SMIM13: variants seen among roughly 807,000 people sequenced by gnomAD.
SMIM13 encodes small integral membrane protein 13.
SMIM13 carries 3 observed loss-of-function variants against 5.9 expected under a neutral mutation model. The ratio of observed to expected loss-of-function variants is 0.51; its 90% CI spans 0.23 to 1.31. SMIM13 has a LOEUF of 1.31. SMIM13 is among the 40% of genes most tolerant of loss of function. The pLI is 0.18. For synonymous variants in SMIM13, 55 were observed against 46.0 expected, an observed-to-expected ratio of 1.19 and a Z score of -0.79; for missense variants, 85 against 109.9, an observed-to-expected ratio of 0.77 and a Z score of 1.01.
chr6:11,099,790 C>T (rs1170012875), intron 1 of SMIM13, among the ~76,000 whole-genome samples: 1 of 152,124 alleles, frequency 6.6e-6, no homozygotes, highest in Non-Finnish European at 1.5e-5. Flanking sequence ...GCTTTACAGA[C>T]CTAAATAGCC....
At position 11,137,173 on chromosome 6, in the gene SMIM13, G is replaced by C. The variant is rs1758526728; in HGVS notation, c.*2571G>C. 6.6e-6 allele frequency: 1 copy of C among 152,040 alleles called. No homozygotes were observed. Among genetic ancestry groups the C allele is most frequent in the South Asian group, 2.1e-4 (1 of 4,832 alleles). 9.4% of individuals were successfully genotyped at this position (152,040 alleles called of 1,614,324 possible). A position where few individuals can be genotyped will look rare whatever the true frequency, so the allele number is the denominator to read the frequency against. Reference sequence around the variant, plus strand: ...TTTTAAGAAATACTCTATTTAACTTGTGAAATATACCTAAAAGCATACTAG... The same window carrying C: ...TTTTAAGAAATACTCTATTTAACTTCTGAAATATACCTAAAAGCATACTAG... On this transcript the variant is annotated 3_prime_UTR_variant, in exon 2 of 2. Transcript: ENST00000416247.
At chr6:11,125,981 A>C (rs1323588340) in intron 1 of SMIM13, among the ~76,000 whole-genome samples, 2 of 152,114 alleles carry the variant, frequency 1.3e-5, no homozygotes, top group African/African-American at 2.4e-5. Context: ...TTCTGAGGCT[A>C]TTCTCTAGAT....
intron 1 of SMIM13, among the ~76,000 whole-genome samples, chr6:11,127,223 T>G (rs1581920623): frequency 6.6e-6 from 1 of 152,074 alleles, no homozygotes; most frequent in Non-Finnish European, 1.5e-5. Flanking sequence ...CCCATTAGGG[T>G]GGGGTGAGTT....
At chr6:11,132,410 A>G (rs1758462245) in intron 1 of SMIM13, among the ~76,000 whole-genome samples, 2 of 152,192 alleles carry the variant, frequency 1.3e-5, no homozygotes, top group African/African-American at 4.8e-5. Flanking sequence ...CTAGATAGAT[A>G]CACCCGAGAT....
chr6:11,135,795 A>G lies in SMIM13; in HGVS notation c.*1193A>G, dbSNP rs1172206901. 6.6e-6 allele frequency: 1 copy of G among 152,292 alleles called. No homozygotes were observed. The highest frequency in any genetic ancestry group is 1.5e-5 in the Non-Finnish European group (1 of 68,042). 9.4% of individuals were successfully genotyped at this position (152,292 alleles called of 1,614,324 possible). A position where few individuals can be genotyped will look rare whatever the true frequency, so the allele number is the denominator to read the frequency against. On this transcript the variant is annotated 3_prime_UTR_variant, in exon 2 of 2. Transcript: ENST00000416247. The stretch of plus-strand genomic sequence containing the variant: ...AACTCAAAGCGCTGTTTCAATAAAT[A>G]TAAACATTTTCTGTGATATGAAAGC...
chr6:11,106,785 A>G (rs183209841), intron 1 of SMIM13, among the ~76,000 whole-genome samples: 25 of 152,256 alleles, frequency 1.6e-4, no homozygotes, highest in African/African-American at 5.5e-4. Flanking sequence ...GGTGTCCTTT[A>G]CTGTGCACTA....
At chr6:11,113,838 A>G (rs1758200975) in intron 1 of SMIM13, among the ~76,000 whole-genome samples, 1 of 151,928 alleles carries the variant, frequency 6.6e-6, no homozygotes, top group African/African-American at 2.4e-5. Context: ...CGGCCTCCCA[A>G]AGTGCTGGGA....
chr6:11,119,997 A>G (rs1393540011), intron 1 of SMIM13, among the ~76,000 whole-genome samples: 6 of 152,216 alleles, frequency 3.9e-5, no homozygotes, highest in Non-Finnish European at 8.8e-5. Flanking sequence ...GGATTTGGAC[A>G]TACTGTCTCA....
At chr6:11,108,318 A>G (rs1188222568) in intron 1 of SMIM13, among the ~76,000 whole-genome samples, 2 of 152,218 alleles carry the variant, frequency 1.3e-5, no homozygotes, top group Non-Finnish European at 2.9e-5. Context: ...GGGCACATCC[A>G]AGGCAGCCCT....
At chr6:11,104,966 A>T in intron 1 of SMIM13, 3 of 1,614,228 alleles carry the variant, frequency 1.9e-6, no homozygotes, top group Non-Finnish European at 8.5e-7. Flanking sequence ...GGTTGATATT[A>T]GTAAAGATGG....
At chr6:11,100,804 G>A (rs1417112692) in intron 1 of SMIM13, among the ~76,000 whole-genome samples, 2 of 152,048 alleles carry the variant, frequency 1.3e-5, no homozygotes, top group African/African-American at 4.8e-5. Flanking sequence ...TCTAGGTCTG[G>A]TATTGAAAAA....
intron 1 of SMIM13, among the ~76,000 whole-genome samples, chr6:11,124,039 G>A (rs767510361): frequency 4.6e-5 from 7 of 152,034 alleles, no homozygotes; most frequent in Non-Finnish European, 8.8e-5. Context: ...TTTTATAAAT[G>A]TACAGTAAGT....
chr6:11,129,057 A>G (rs914638941), intron 1 of SMIM13, among the ~76,000 whole-genome samples: 2 of 142,884 alleles, frequency 1.4e-5, no homozygotes, highest in Admixed American at 7.2e-5. Context: ...TAGTTGTTCA[A>G]TTTGGCATTG....
At chr6:11,102,721 T>A (rs1581910652) in intron 1 of SMIM13, 1 of 152,208 alleles carries the variant, frequency 6.6e-6, no homozygotes, top group East Asian at 1.9e-4. Flanking sequence ...CGGGTGTTAG[T>A]TTGCTTGGTG....
chr6:11,105,396 A>G (rs970727944), intron 1 of SMIM13: 34 of 993,706 alleles, frequency 3.4e-5, no homozygotes, highest in African/African-American at 4.9e-5. Flanking sequence ...AGTGATAACA[A>G]TCAGAGCAAT....
intron 1 of SMIM13, among the ~76,000 whole-genome samples, chr6:11,130,297 T>C (rs1453716396): frequency 6.6e-6 from 1 of 151,776 alleles, no homozygotes; most frequent in Non-Finnish European, 1.5e-5. Flanking sequence ...ACTGGGTGTT[T>C]ATTCTTTTTG....
intron 1 of SMIM13, among the ~76,000 whole-genome samples, chr6:11,132,401 T>C (rs1306167765): frequency 1.3e-5 from 2 of 152,148 alleles, no homozygotes; most frequent in East Asian, 3.9e-4. Flanking sequence ...AATTCCCTTC[T>C]AGATAGATAC....
intron 1 of SMIM13, chr6:11,105,380 T>A: frequency 8.5e-7 from 1 of 1,169,740 alleles, no homozygotes; most frequent in Non-Finnish European, 1.2e-6. Context: ...AAGTTAGGGT[T>A]AAAATAGTGA....
intron 1 of SMIM13, among the ~76,000 whole-genome samples, chr6:11,107,058 G>A (rs1758096158): frequency 6.6e-6 from 1 of 152,168 alleles, no homozygotes; most frequent in African/African-American, 2.4e-5. Context: ...TTGTTGAAGG[G>A]ACATTGTACC....
Sources: gnomAD v4.1 joint callset for allele counts (sites outside exome capture counted in the v4.1 genomes callset) on GRCh38, gnomAD v4.1.1 for gene constraint, MANE v1.5 for transcripts, NCBI Gene and HGNC (gene_info 2026-07-23, HGNC 2026-07-21) for gene names.